Variants in UGT1A7 observed in about 807,000 individuals in gnomAD.
UGT1A7 encodes the protein UDP-glucuronosyltransferase 1A7.
Under a neutral mutation model 45.6 loss-of-function variants are expected in UGT1A7, and 33 were observed. The observed-to-expected ratio is 0.72, with a 90% CI of 0.55 to 0.97. UGT1A7 has a LOEUF of 0.97. Among genes scored for constraint, UGT1A7 ranks in the 50% least tolerant of loss-of-function variants. The probability of loss-of-function intolerance (pLI) is 0.00; values close to 1 mark genes in which losing one functional copy is unlikely to be tolerated. For missense variants in UGT1A7, 684 were observed against 666.2 expected, an observed-to-expected ratio of 1.03 and a Z score of -0.29; for synonymous variants, 274 against 250.6, an observed-to-expected ratio of 1.09 and a Z score of -0.88.
chr2:233,701,897 G>T (rs1185390502), intron 1 of UGT1A7, among the ~76,000 whole-genome samples: 1 of 152,020 alleles, frequency 6.6e-6, no homozygotes, highest in Non-Finnish European at 1.5e-5. Flanking sequence ...AAGCAGAAAA[G>T]ATCTAAAATT....
intron 1 of UGT1A7, among the ~76,000 whole-genome samples, chr2:233,765,473 G>A (rs1334073223): frequency 6.6e-6 from 1 of 152,142 alleles, no homozygotes; most frequent in Admixed American, 6.5e-5. Flanking sequence ...GGATGAAGCT[G>A]GAAGCCATCA....
At chr2:233,693,244 G>C (rs768201260) in intron 1 of UGT1A7, 2 of 1,614,170 alleles carry the variant, frequency 1.2e-6, no homozygotes, top group Non-Finnish European at 8.5e-7. Context: ...TCTATCCAGT[G>C]CCGTATGACC....
intron 1 of UGT1A7, chr2:233,719,445 C>T: frequency 6.2e-7 from 1 of 1,613,958 alleles, no homozygotes; most frequent in Non-Finnish European, 8.5e-7. Context: ...GACATTCCTG[C>T]AAAGGGTCAA....
At chr2:233,705,768 G>C (rs753829287) in intron 1 of UGT1A7, among the ~76,000 whole-genome samples, 1 of 152,178 alleles carries the variant, frequency 6.6e-6, no homozygotes, top group Non-Finnish European at 1.5e-5. Flanking sequence ...TGCATACTTT[G>C]AGTGTCTTAG....
chr2:233,725,249 GGAGGCAGAGGCAGAGGAGGCA>G (rs1559370474), intron 1 of UGT1A7, among the ~76,000 whole-genome samples: 14 of 48,542 alleles, frequency 2.9e-4, no homozygotes, highest in Middle Eastern at 0.01. Context: ...CAGAGGCAGA[GGAGGCAGAGGCAGAGGAGGCA>G]GAGGCAGAGG....
chr2:233,692,980 C>T (rs777378989), intron 1 of UGT1A7: 11 of 1,612,916 alleles, frequency 6.8e-6, no homozygotes, highest in Middle Eastern at 1.7e-4. Flanking sequence ...TCTTTATTAC[C>T]GTTGTTACTT....
intron 1 of UGT1A7, among the ~76,000 whole-genome samples, chr2:233,707,538 C>CTT (rs753963758): frequency 2.1e-4 from 27 of 126,992 alleles, no homozygotes; most frequent in African/African-American, 6.9e-4. Context: ...TTTGTCTTGC[C>CTT]TTTTTTTTTT....
In UGT1A7 at chr2:233,755,078, G is replaced by C. The variant is rs756759474; in HGVS notation, c.856-11956G>C. On this transcript the variant is annotated intron_variant, in intron 1 of 4. Coordinates refer to ENST00000373426, the MANE Select transcript of UGT1A7 (RefSeq NM_019077.3). ...CCCTCGCCTCGCCATAGCGGTCATAGATATCGCGTTTCTACGCGTCCGACA... is the reference window on the plus strand; with the variant it reads ...CCCTCGCCTCGCCATAGCGGTCATACATATCGCGTTTCTACGCGTCCGACA... The C allele has an allele frequency of 6.7e-6, 9 of 1,336,426 alleles. No homozygotes were observed. In the East Asian group the frequency reaches 2.3e-4, roughly 34 times the overall value. The allele number at this position is 1,336,426 out of a possible 1,614,324, so 82.8% of individuals were successfully genotyped here.
intron 1 of UGT1A7, chr2:233,729,786 G>A: frequency 6.2e-7 from 1 of 1,613,972 alleles, no homozygotes; most frequent in East Asian, 2.2e-5. Flanking sequence ...CTCTGGCCCT[G>A]TCCTACATTT....
intron 1 of UGT1A7, chr2:233,719,760 T>C: frequency 1.2e-6 from 2 of 1,612,360 alleles, no homozygotes; most frequent in Non-Finnish European, 1.7e-6. Context: ...TACTTACAAG[T>C]GCTTCCATAT....
chr2:233,768,654 T>C (rs1699689633), intron 4 of UGT1A7, among the ~76,000 whole-genome samples: 2 of 149,892 alleles, frequency 1.3e-5, no homozygotes, highest in Non-Finnish European at 3.0e-5. Flanking sequence ...TGGTGCAATC[T>C]TGGCTTACTG....
intron 1 of UGT1A7, chr2:233,713,825 C>T: frequency 1.2e-6 from 2 of 1,614,052 alleles, no homozygotes; most frequent in South Asian, 2.2e-5. Flanking sequence ...TCATTGGGGG[C>T]ATCAACTGTG....
intron 1 of UGT1A7, chr2:233,755,371 G>A (rs1695886794): frequency 2.8e-6 from 1 of 358,288 alleles, no homozygotes; most frequent in South Asian, 2.2e-5. Context: ...CCGCCTGGAG[G>A]GCCGCCCCTT....
At position 233,756,026 on chromosome 2, in the gene UGT1A7, C is replaced by A. The variant is rs573577160; in HGVS notation, c.856-11008C>A. The stretch of plus-strand genomic sequence containing the variant: ...TATCTATTGTGATATTACACATCCC[C>A]CATGTAGCTTCTGGAAAACTCCACT... On this transcript the variant is annotated intron_variant, in intron 1 of 4. Transcript: ENST00000373426. 66 of 152,322 alleles carry A rather than the reference C, an allele frequency of 4.3e-4. 1 individual carries two copies. The highest frequency in any genetic ancestry group is 1.5e-3 in the African/African-American group (63 of 41,570). The allele number at this position is 152,322 out of a possible 1,614,324, so 9.4% of individuals were successfully genotyped here. A position where few individuals can be genotyped will look rare whatever the true frequency, so the allele number is the denominator to read the frequency against.
At chr2:233,706,387 C>A (rs1481848778) in intron 1 of UGT1A7, among the ~76,000 whole-genome samples, 1 of 152,196 alleles carries the variant, frequency 6.6e-6, no homozygotes, top group Non-Finnish European at 1.5e-5. Flanking sequence ...AAGCAGAGGC[C>A]AAGTACATTT....
intron 1 of UGT1A7, among the ~76,000 whole-genome samples, chr2:233,730,339 G>C (rs954764150): frequency 2.0e-5 from 3 of 152,178 alleles, no homozygotes; most frequent in Non-Finnish European, 4.4e-5. Flanking sequence ...GTTTGGAACT[G>C]ATCCATCCTG....
intron 1 of UGT1A7, among the ~76,000 whole-genome samples, chr2:233,694,360 T>C (rs751407402): frequency 6.6e-6 from 1 of 152,042 alleles, no homozygotes; most frequent in Non-Finnish European, 1.5e-5. Context: ...GAGCTAAGAA[T>C]GGTTTTTGTA....
At chr2:233,747,619 C>T (rs988412052) in intron 1 of UGT1A7, 2 of 1,575,824 alleles carry the variant, frequency 1.3e-6, no homozygotes, top group Admixed American at 1.7e-5. Flanking sequence ...CATAATGAGG[C>T]CCTGATCAGG....
At chr2:233,767,785 G>C (rs1699483415) in intron 2 of UGT1A7, 64 bp from the exon 3 acceptor site, 2 of 1,613,510 alleles carry the variant, frequency 1.2e-6, no homozygotes, top group Non-Finnish European at 1.7e-6. Flanking sequence ...AGTTAGTATA[G>C]CAGATTTGTT....
Sources: gnomAD v4.1 joint callset for allele counts (sites outside exome capture counted in the v4.1 genomes callset) on GRCh38, gnomAD v4.1.1 for gene constraint, MANE v1.5 for transcripts, NCBI Gene and HGNC (gene_info 2026-07-23, HGNC 2026-07-21) for gene names.